The following ABCB1 variants were observed in gnomAD, a reference collection of about 807,000 sequenced individuals.
The protein encoded by ABCB1 is ATP binding cassette subfamily B member 1.
ABCB1 carries 69 observed loss-of-function variants against 142.0 expected under a neutral mutation model. That is an observed-to-expected ratio of 0.49 (90% CI 0.40 to 0.59). The LOEUF (loss-of-function observed/expected upper bound fraction) is 0.59. ABCB1 is among the 20% of genes least tolerant of loss of function. ABCB1 has a pLI of 0.00. For missense variants in ABCB1, 1,326 were observed against 1,554.7 expected (o/e 0.85, Z 2.47); for synonymous variants, 532 against 539.2 (o/e 0.99, Z 0.18).
chr7:87,584,266 C>T (rs1053763110), intron 4 of ABCB1, among the ~76,000 whole-genome samples: 1 of 152,100 alleles, frequency 6.6e-6, no homozygotes, highest in African/African-American at 2.4e-5. Flanking sequence ...CGTATATACC[C>T]GAGATTGGTA....
intron 19 of ABCB1, among the ~76,000 whole-genome samples, chr7:87,537,236 T>A: frequency 6.6e-6 from 1 of 152,048 alleles, no homozygotes; most frequent in African/African-American, 2.4e-5. Flanking sequence ...AAAAAGGCGG[T>A]TATAGGAGAT....
intron 3 of ABCB1, 148 bp downstream of exon 3, chr7:87,595,618 A>G: frequency 1.5e-6 from 1 of 650,058 alleles, no homozygotes; most frequent in South Asian, 1.9e-5. Flanking sequence ...CATTCTCCTG[A>G]AAATAAGCTA....
intron 1 of ABCB1, among the ~76,000 whole-genome samples, chr7:87,638,528 T>C (rs952636335): frequency 6.6e-6 from 1 of 152,176 alleles, no homozygotes; most frequent in African/African-American, 2.4e-5. Context: ...TAATAAATAC[T>C]GAACAATTCA....
At chr7:87,562,277 C>T (rs1050111192) in intron 7 of ABCB1, among the ~76,000 whole-genome samples, 1 of 152,176 alleles carries the variant, frequency 6.6e-6, no homozygotes, top group South Asian at 2.1e-4. Context: ...TTGTGCTGCA[C>T]GTACCTAGCC....
At chr7:87,647,437 A>T (rs974550699) in intron 1 of ABCB1, among the ~76,000 whole-genome samples, 2 of 152,196 alleles carry the variant, frequency 1.3e-5, no homozygotes, top group Non-Finnish European at 2.9e-5. Context: ...ATATAATCTA[A>T]TTGTCTTCTA....
intron 4 of ABCB1, among the ~76,000 whole-genome samples, chr7:87,574,256 G>C (rs914609843): frequency 2.0e-5 from 3 of 152,166 alleles, no homozygotes; most frequent in South Asian, 2.1e-4. Context: ...AGGAGGACGA[G>C]AGAGCTTGAC....
rs773819673 is a variant in ABCB1, at chr7:87,553,743, T to TCAATGTAAACCACTTACAGTGAGTA, written c.992_999+17dup. ...GCATTTTATAATAATGGTTCATTTC[T>TCAATGTAAACCACTTACAGTGAGTA]CAATGTAAACCACTTACAGTGAGTA... On this transcript the variant is annotated intron_variant, in intron 9 of 27. Coordinates refer to ENST00000622132, the MANE Select transcript of ABCB1 (RefSeq NM_001348946.2). 2 of 1,611,154 alleles carry TCAATGTAAACCACTTACAGTGAGTA rather than the reference T, an allele frequency of 1.2e-6. No individual in the cohort carries two copies. Among genetic ancestry groups the TCAATGTAAACCACTTACAGTGAGTA allele is most frequent in the Non-Finnish European group, 1.7e-6 (2 of 1,177,358 alleles).
chr7:87,692,369 A>G (rs1828096041), intron 1 of ABCB1, among the ~76,000 whole-genome samples: 1 of 152,318 alleles, frequency 6.6e-6, no homozygotes, highest in Admixed American at 6.5e-5. Context: ...AGGCAGGAGG[A>G]TCGCTTGAGT....
chr7:87,704,288 A>C (rs778220255), intron 1 of ABCB1, among the ~76,000 whole-genome samples: 3 of 152,148 alleles, frequency 2.0e-5, no homozygotes, highest in Non-Finnish European at 2.9e-5. Context: ...GCTAAGGTTT[A>C]GGCTAAGGTT....
chr7:87,625,090 A>G (rs1413569464), intron 1 of ABCB1, among the ~76,000 whole-genome samples: 2 of 152,116 alleles, frequency 1.3e-5, no homozygotes, highest in Admixed American at 6.5e-5. Context: ...CCCCGTCTCT[A>G]CTAAAAATAC....
chr7:87,646,662 T>C (rs549644522), intron 1 of ABCB1, among the ~76,000 whole-genome samples: 2 of 152,248 alleles, frequency 1.3e-5, no homozygotes, highest in East Asian at 3.9e-4. Context: ...GTGTGCTTTT[T>C]ATTTATTCAT....
At chr7:87,693,117 T>G (rs918543523) in intron 1 of ABCB1, among the ~76,000 whole-genome samples, 1 of 152,162 alleles carries the variant, frequency 6.6e-6, no homozygotes, top group Non-Finnish European at 1.5e-5. Context: ...TGTTATTTTT[T>G]GGGAATGTTA....
At chr7:87,648,108 C>T (rs892133336) in intron 1 of ABCB1, among the ~76,000 whole-genome samples, 6 of 148,338 alleles carry the variant, frequency 4.0e-5, no homozygotes, top group South Asian at 2.1e-4. Flanking sequence ...TGGCGTGAAC[C>T]GGGGTGGCAT....
chr7:87,588,566 T>C (rs998787375), intron 3 of ABCB1, among the ~76,000 whole-genome samples: 14 of 152,274 alleles, frequency 9.2e-5, no homozygotes, highest in African/African-American at 3.4e-4. Context: ...CCACATTTTC[T>C]TTATCCAGTC....
chr7:87,541,234 G>A, intron 18 of ABCB1, 123 bp downstream of exon 18: 1 of 705,036 alleles, frequency 1.4e-6, no homozygotes, highest in Admixed American at 2.4e-5. Context: ...AAACTTGGCT[G>A]TTAGTAGCCA....
intron 14 of ABCB1, among the ~76,000 whole-genome samples, chr7:87,548,579 G>C (rs1191358512): frequency 6.6e-6 from 1 of 152,104 alleles, no homozygotes; most frequent in Non-Finnish European, 1.5e-5. Flanking sequence ...TAGAGACAGG[G>C]AGAGTTGAAA....
chr7:87,644,731 T>A (rs1032595408), intron 1 of ABCB1, among the ~76,000 whole-genome samples: 1 of 151,988 alleles, frequency 6.6e-6, no homozygotes, highest in Non-Finnish European at 1.5e-5. Flanking sequence ...GAATATAATT[T>A]TTTTTACTAC....
chr7:87,529,371 T>C (rs1815933240), intron 21 of ABCB1, among the ~76,000 whole-genome samples: 3 of 152,200 alleles, frequency 2.0e-5, no homozygotes, highest in South Asian at 2.1e-4. Flanking sequence ...CAGGTGGAAG[T>C]TGATTTTCAA....
At chr7:87,628,452 G>A in intron 1 of ABCB1, 1 of 172,962 alleles carries the variant, frequency 5.8e-6, no homozygotes, top group Non-Finnish European at 1.2e-5. Flanking sequence ...GTGGTTGGGC[G>A]TGAGGGGCCG....
Sources: allele counts gnomAD v4.1 joint callset (sites outside exome capture counted in the v4.1 genomes callset), GRCh38; gene constraint gnomAD v4.1.1; transcripts MANE v1.5; gene names NCBI Gene and HGNC (gene_info 2026-07-23, HGNC 2026-07-21).